TAAR1: variants seen among roughly 807,000 people sequenced by gnomAD.
The protein encoded by TAAR1 is trace amine associated receptor 1, also known as trace amine-associated receptor 1.
In TAAR1, 1 loss-of-function variant was observed where a neutral mutation model predicts 1.2. The observed-to-expected ratio is 0.81, with a 90% CI of 0.29 to 3.86. TAAR1 has a LOEUF of 3.86. TAAR1 is among the 30% of genes most tolerant of loss of function. The pLI, the probability that TAAR1 is intolerant of heterozygous loss-of-function variation, is 0.18. For synonymous variants in TAAR1, 153 were observed against 132.2 expected (o/e 1.16, Z -1.08); for missense variants, 445 against 405.6 (o/e 1.10, Z -0.83).
intron 1 of TAAR1, among the ~76,000 whole-genome samples, chr6:132,646,534 T>C (rs1326216070): frequency 1.3e-5 from 2 of 152,166 alleles, no homozygotes; most frequent in Admixed American, 6.6e-5. Flanking sequence ...AGAAGTCTTT[T>C]AAATGTGCCT....
chr6:132,647,628 G>GAAAGAA (rs1562203024), intron 1 of TAAR1, among the ~76,000 whole-genome samples: 2 of 52,504 alleles, frequency 3.8e-5, no homozygotes, highest in East Asian at 3.3e-4. Context: ...AAAAAGGAAA[G>GAAAGAA]AAAGAAAGAA....
intron 1 of TAAR1, among the ~76,000 whole-genome samples, chr6:132,647,231 T>C (rs1002366315): frequency 6.6e-6 from 1 of 152,014 alleles, no homozygotes; most frequent in African/African-American, 2.4e-5. Flanking sequence ...CTAGGCCTCC[T>C]CTTCTTGTAC....
At chr6:132,649,171 G>A (rs929467484) in intron 1 of TAAR1, among the ~76,000 whole-genome samples, 3 of 152,020 alleles carry the variant, frequency 2.0e-5, no homozygotes, top group Non-Finnish European at 4.4e-5. Context: ...TCCCATTGTG[G>A]TATTACTCAC....
intron 1 of TAAR1, among the ~76,000 whole-genome samples, chr6:132,658,007 T>A (rs1427207892): frequency 9.1e-6 from 1 of 109,604 alleles, no homozygotes; most frequent in Non-Finnish European, 1.6e-5. Flanking sequence ...TTGCATGATT[T>A]ATTTATCTAT....
At position 132,645,230 on chromosome 6, in the gene TAAR1, T is replaced by A. The variant is rs776327070; in HGVS notation, c.774A>T (p.Gly258=). 1 of 1,613,704 alleles carries A rather than the reference T, an allele frequency of 6.2e-7. No homozygotes were observed. The highest frequency in any genetic ancestry group is 8.5e-7 in the Non-Finnish European group (1 of 1,179,762). The stretch of plus-strand genomic sequence containing the variant: ...AAGGGCACCAGCATATTAGGAAAAC[T>A]CCCATCACAATCCCCAATGTCTTCA... ...KAVKTLGIVM[G]VFLICWCPFF... is the part of the protein sequence containing the mutation. Residue 258 remains glycine (G), a synonymous_variant, in exon 2 of 2, where the codon GGA becomes GGT. Coordinates refer to ENST00000275216, the MANE Select transcript of TAAR1 (RefSeq NM_138327.4).
intron 1 of TAAR1, among the ~76,000 whole-genome samples, chr6:132,656,435 A>G (rs34377797): frequency 6.6e-6 from 1 of 152,116 alleles, no homozygotes; most frequent in Admixed American, 6.5e-5. Context: ...GGAGGGAGAG[A>G]CAATAAGATG....
At chr6:132,650,567 T>C (rs1212191566) in intron 1 of TAAR1, among the ~76,000 whole-genome samples, 1 of 152,238 alleles carries the variant, frequency 6.6e-6, no homozygotes, top group Non-Finnish European at 1.5e-5. Context: ...CAAATACTTA[T>C]TCACATCCTT....
At chr6:132,646,581 C>T (rs560294715) in intron 1 of TAAR1, among the ~76,000 whole-genome samples, 25 of 152,204 alleles carry the variant, frequency 1.6e-4, no homozygotes, top group Non-Finnish European at 2.9e-4. Context: ...CCCACTTCTG[C>T]ACTTGGTCAT....
intron 1 of TAAR1, among the ~76,000 whole-genome samples, chr6:132,647,362 G>GCACACACA (rs55908881): frequency 2.2e-3 from 308 of 140,686 alleles, no homozygotes; most frequent in African/African-American, 7.8e-3. Context: ...ACATACGCAT[G>GCACACACA]CACACACACA....
At chr6:132,658,838 T>C (rs1371344215) in intron 1 of TAAR1, among the ~76,000 whole-genome samples, 1 of 152,192 alleles carries the variant, frequency 6.6e-6, no homozygotes, top group Non-Finnish European at 1.5e-5. Context: ...TTTCCATAAA[T>C]GAATTTTTAA....
chr6:132,651,928 C>A (rs1379805207), intron 1 of TAAR1, among the ~76,000 whole-genome samples: 4 of 152,190 alleles, frequency 2.6e-5, no homozygotes. Context: ...TCTGTGCCTG[C>A]CTGATGTTAA....
chr6:132,648,436 A>G (rs1371677736), intron 1 of TAAR1, among the ~76,000 whole-genome samples: 2 of 152,254 alleles, frequency 1.3e-5, no homozygotes, highest in East Asian at 3.8e-4. Flanking sequence ...GGAAATTCAC[A>G]GAAGATGAAA....
chr6:132,652,530 C>T (rs1777760257), intron 1 of TAAR1, among the ~76,000 whole-genome samples: 1 of 150,530 alleles, frequency 6.6e-6, no homozygotes, highest in Admixed American at 6.6e-5. Context: ...TGGTCTTGAT[C>T]TCCTGACCTC....
At chr6:132,647,329 C>G (rs1777683951) in intron 1 of TAAR1, among the ~76,000 whole-genome samples, 1 of 148,492 alleles carries the variant, frequency 6.7e-6, no homozygotes. Flanking sequence ...GAGCTAAATT[C>G]TAGAACTTGG....
At chr6:132,655,213 A>C (rs1269181705) in intron 1 of TAAR1, among the ~76,000 whole-genome samples, 1 of 152,204 alleles carries the variant, frequency 6.6e-6, no homozygotes, top group Non-Finnish European at 1.5e-5. Flanking sequence ...GTACAGATAA[A>C]CATTTGAAAC....
rs754935739 is a variant in TAAR1 at position 132,645,356 on chromosome 6, G to A, written c.648C>T (p.Ile216=). 23 of 1,613,112 alleles carry A rather than the reference G, an allele frequency of 1.4e-5. No individual in the cohort carries two copies. The highest frequency in any genetic ancestry group is 1.6e-4 in the Middle Eastern group (1 of 6,074). ...TAATTAATCTTGCCTGTTCTTTAGCGATAAGATATATTCTGTAATAGACAC... is the reference window on the plus strand; with the variant it reads ...TAATTAATCTTGCCTGTTCTTTAGCAATAAGATATATTCTGTAATAGACAC... ...MLCVYYRIYL[I]AKEQARLISD... is the part of the protein sequence containing the mutation. Residue 216 remains isoleucine, a synonymous_variant, in exon 2 of 2, where the codon ATC becomes ATT. Coordinates refer to ENST00000275216, the MANE Select transcript of TAAR1 (RefSeq NM_138327.4).
At chr6:132,651,233 G>A (rs1436384946) in intron 1 of TAAR1, among the ~76,000 whole-genome samples, 1 of 152,146 alleles carries the variant, frequency 6.6e-6, no homozygotes, top group African/African-American at 2.4e-5. Flanking sequence ...CTGGCACTAA[G>A]TCTCAGTCCT....
chr6:132,655,339 T>G (rs9389024), intron 1 of TAAR1, among the ~76,000 whole-genome samples: 29,380 of 150,860 alleles, frequency 0.19, 3,099 homozygotes, highest in East Asian at 0.33. Flanking sequence ...CTCACATACA[T>G]TAAGCCAAAA....
At position 132,645,376 on chromosome 6, in the gene TAAR1, AG is replaced by A. The variant is rs758967229; in HGVS notation, c.627del (p.Tyr210IlefsTer14). On this transcript the variant is annotated frameshift_variant, in exon 2 of 2. Coordinates refer to ENST00000275216, the MANE Select transcript of TAAR1 (RefSeq NM_138327.4). LOFTEE classifies it low-confidence loss of function (END_TRUNC). ...FYIPGSIMLC[V>X]YYRIYLIAKE... The stretch of plus-strand genomic sequence containing the variant: ...TTAGCGATAAGATATATTCTGTAAT[AG>A]ACACATAACATAATAGATCCAGGTA... 1 of 1,613,506 alleles carries A rather than the reference AG, an allele frequency of 6.2e-7. No individual in the cohort carries two copies. Among genetic ancestry groups the A allele is most frequent in the East Asian group, 2.2e-5 (1 of 44,866 alleles).
Sources: allele counts gnomAD v4.1 joint callset (sites outside exome capture counted in the v4.1 genomes callset), GRCh38; gene constraint gnomAD v4.1.1; transcripts MANE v1.5; gene names NCBI Gene and HGNC (gene_info 2026-07-23, HGNC 2026-07-21).